The following KATNBL1 variants were observed in gnomAD, a reference collection of about 807,000 sequenced individuals.
KATNBL1 encodes the protein katanin regulatory subunit B1 like 1.
Under a neutral mutation model 44.7 loss-of-function variants are expected in KATNBL1, and 28 were observed. The ratio of observed to expected loss-of-function variants is 0.63; its 90% confidence interval spans 0.46 to 0.86. The LOEUF (loss-of-function observed/expected upper bound fraction) is 0.86, where lower values mean the gene tolerates loss of function less well. Ranked by LOEUF, KATNBL1 falls within the 40% of genes least tolerant of loss-of-function variation. The probability of loss-of-function intolerance (pLI) is 0.00; values close to 1 mark genes in which losing one functional copy is unlikely to be tolerated. For synonymous variants in KATNBL1, 78 were observed against 114.9 expected (o/e 0.68, Z 2.06); for missense variants, 272 against 350.7 (o/e 0.78, Z 1.79).
chr15:34,202,915 C>G (rs762144416), intron 1 of KATNBL1, among the ~76,000 whole-genome samples: 1 of 152,044 alleles, frequency 6.6e-6, no homozygotes, highest in Non-Finnish European at 1.5e-5. Context: ...TGCTTGAGCC[C>G]GGAAGGCGGA....
rs1201268078 is a variant in KATNBL1 at position 34,188,137 on chromosome 15, T to TAAAAAAAAAA, written c.-15+21804_-15+21813dup. Among the ~76,000 whole-genome samples the TAAAAAAAAAA allele has an allele frequency of 1.4e-3, 31 of 22,096 alleles. 4 individuals are homozygous for TAAAAAAAAAA. Among genetic ancestry groups the TAAAAAAAAAA allele is most frequent in the African/African-American group, 2.3e-3 (15 of 6,628 alleles). The allele number at this position is 22,096 out of a possible 152,430, so 14.5% of individuals were successfully genotyped here. On this transcript the variant is annotated intron_variant, in intron 1 of 9. Transcript: ENST00000256544. ...CTGGGTGACAGAGGAAGACGCCATG[T>TAAAAAAAAAA]AAAAAAAAAAAAAAAAAAAAAAAAA... is the stretch of plus-strand genomic sequence containing the variant.
At chr15:34,159,781 G>T (rs1888742046) in intron 2 of KATNBL1, among the ~76,000 whole-genome samples, 1 of 152,152 alleles carries the variant, frequency 6.6e-6, no homozygotes, top group African/African-American at 2.4e-5. Context: ...TAATAGATTT[G>T]TCCCTGCATC....
At chr15:34,201,129 A>G (rs11854298) in intron 1 of KATNBL1, among the ~76,000 whole-genome samples, 23,471 of 152,184 alleles carry the variant, frequency 0.15, 1,956 homozygotes, top group African/African-American at 0.21. Context: ...CCTCAGTTTT[A>G]ATCAAGTCCA....
At chr15:34,174,509 A>G (rs1889263498) in intron 1 of KATNBL1, among the ~76,000 whole-genome samples, 1 of 152,210 alleles carries the variant, frequency 6.6e-6, no homozygotes, top group South Asian at 2.1e-4. Flanking sequence ...AAATGGTCTA[A>G]AAGTCATTTA....
At chr15:34,207,063 A>T (rs1223998910) in intron 1 of KATNBL1, among the ~76,000 whole-genome samples, 2 of 147,126 alleles carry the variant, frequency 1.4e-5, no homozygotes, top group Non-Finnish European at 3.0e-5. Context: ...TCCCTGAGAC[A>T]GGGTCTTGCT....
chr15:34,188,577 T>A (rs1459262176), intron 1 of KATNBL1, among the ~76,000 whole-genome samples: 1 of 151,928 alleles, frequency 6.6e-6, no homozygotes, highest in Non-Finnish European at 1.5e-5. Flanking sequence ...AGAAAAAAAG[T>A]TTTCCAGACT....
chr15:34,166,475 C>T (rs910320351), intron 1 of KATNBL1, among the ~76,000 whole-genome samples: 2 of 152,260 alleles, frequency 1.3e-5, no homozygotes, highest in Non-Finnish European at 2.9e-5. Context: ...CTCTGCAAGG[C>T]TTGCTGCCTC....
At chr15:34,208,658 C>T (rs1310202882) in intron 1 of KATNBL1, 1 of 152,192 alleles carries the variant, frequency 6.6e-6, no homozygotes, top group Non-Finnish European at 1.5e-5. Flanking sequence ...AGCTTATGAA[C>T]TCCATTTATC....
chr15:34,199,062 C>G (rs74867382), intron 1 of KATNBL1, among the ~76,000 whole-genome samples: 1 of 152,168 alleles, frequency 6.6e-6, no homozygotes, highest in Admixed American at 6.5e-5. Context: ...GGCAGTGCTA[C>G]TCATGTACTG....
At chr15:34,206,558 G>A (rs139842588) in intron 1 of KATNBL1, among the ~76,000 whole-genome samples, 1 of 152,282 alleles carries the variant, frequency 6.6e-6, no homozygotes, top group African/African-American at 2.4e-5. Context: ...TTGGGAGGCC[G>A]AGGTGGGCGG....
At chr15:34,179,370 C>G (rs1889449243) in intron 1 of KATNBL1, among the ~76,000 whole-genome samples, 2 of 152,180 alleles carry the variant, frequency 1.3e-5, no homozygotes, top group South Asian at 4.1e-4. Context: ...AAATATTAAT[C>G]TATTCATGAC....
chr15:34,191,714 G>A (rs1051915954), intron 1 of KATNBL1, among the ~76,000 whole-genome samples: 2 of 151,992 alleles, frequency 1.3e-5, no homozygotes, highest in Non-Finnish European at 2.9e-5. Flanking sequence ...TTGGGAGGCC[G>A]AGGTGGGCGG....
chr15:34,147,847 G>A (rs1018821482), intron 5 of KATNBL1, among the ~76,000 whole-genome samples: 20 of 152,136 alleles, frequency 1.3e-4, no homozygotes, highest in Middle Eastern at 3.4e-3. Context: ...CCACTCAAAA[G>A]GGATGTTTAC....
chr15:34,200,801 C>T (rs1890159253), intron 1 of KATNBL1, among the ~76,000 whole-genome samples: 1 of 150,092 alleles, frequency 6.7e-6, no homozygotes, highest in African/African-American at 2.5e-5. Flanking sequence ...ACTACCTCTT[C>T]CTCAGTGTTT....
intron 4 of KATNBL1, among the ~76,000 whole-genome samples, chr15:34,151,665 G>A (rs1184040183): frequency 1.3e-5 from 2 of 151,444 alleles, no homozygotes; most frequent in African/African-American, 2.4e-5. Context: ...TTGGCCAGGC[G>A]AGTCTTGAAC....
intron 2 of KATNBL1, among the ~76,000 whole-genome samples, chr15:34,157,051 A>C (rs1830335702): frequency 1.3e-5 from 2 of 152,214 alleles, no homozygotes; most frequent in South Asian, 4.1e-4. Context: ...CAGTCTGAGA[A>C]GAGCTAGGAA....
intron 1 of KATNBL1, among the ~76,000 whole-genome samples, chr15:34,170,801 G>C (rs1356615965): frequency 1.3e-5 from 2 of 152,134 alleles, no homozygotes; most frequent in African/African-American, 4.8e-5. Context: ...ACAACCATCT[G>C]ATCTTTGACA....
At chr15:34,164,053 C>T (rs758567411) in intron 1 of KATNBL1, among the ~76,000 whole-genome samples, 9 of 152,062 alleles carry the variant, frequency 5.9e-5, no homozygotes, top group African/African-American at 1.2e-4. Flanking sequence ...CCACCATGCC[C>T]GACTAATTTT....
At chr15:34,183,834 C>A (rs1003040079) in intron 1 of KATNBL1, among the ~76,000 whole-genome samples, 11 of 152,120 alleles carry the variant, frequency 7.2e-5, no homozygotes, top group African/African-American at 2.7e-4. Flanking sequence ...AAGAAACTAC[C>A]ACATTAAATC....
Sources: allele counts gnomAD v4.1 joint callset (sites outside exome capture counted in the v4.1 genomes callset), GRCh38; gene constraint gnomAD v4.1.1; transcripts MANE v1.5; gene names NCBI Gene and HGNC (gene_info 2026-07-23, HGNC 2026-07-21).